Variants in MICU1 observed in about 807,000 individuals in gnomAD.
The protein encoded by MICU1 is mitochondrial calcium uptake 1, also known as calcium uptake protein 1, mitochondrial.
In MICU1, 45 loss-of-function variants were observed where a neutral mutation model predicts 56.8. The observed-to-expected ratio is 0.79, with a 90% CI of 0.62 to 1.02. The LOEUF (loss-of-function observed/expected upper bound fraction) is 1.02, where lower values mean the gene tolerates loss of function less well. Ranked by LOEUF, MICU1 falls within the 50% of genes least tolerant of loss-of-function variation. The pLI is 0.00. For missense variants in MICU1, 504 were observed against 587.1 expected (o/e 0.86, Z 1.46); for synonymous variants, 186 against 195.1 (o/e 0.95, Z 0.39).
At chr10:72,569,231 A>AC (rs1554890927) in intron 1 of MICU1, among the ~76,000 whole-genome samples, 3 of 39,540 alleles carry the variant, frequency 7.6e-5, no homozygotes, top group Non-Finnish European at 1.7e-4. Context: ...ATATATATAT[A>AC]TATATATTTT....
At chr10:72,577,223 T>C (rs1360609335) in intron 1 of MICU1, among the ~76,000 whole-genome samples, 1 of 151,900 alleles carries the variant, frequency 6.6e-6, no homozygotes, top group Non-Finnish European at 1.5e-5. Context: ...AGACTACATA[T>C]TGAAGCCTGG....
At chr10:72,542,838 T>C (rs761202182) in intron 4 of MICU1, among the ~76,000 whole-genome samples, 1 of 152,164 alleles carries the variant, frequency 6.6e-6, no homozygotes, top group Non-Finnish European at 1.5e-5. Flanking sequence ...AATTGAAAGA[T>C]GGTGAATGCA....
At chr10:72,602,393 G>A (rs979429297) in intron 1 of MICU1, among the ~76,000 whole-genome samples, 3 of 151,820 alleles carry the variant, frequency 2.0e-5, no homozygotes, top group Non-Finnish European at 2.9e-5. Context: ...GGAGGTTGCA[G>A]TGAGACAACA....
intron 3 of MICU1, among the ~76,000 whole-genome samples, chr10:72,554,499 C>T (rs959228353): frequency 2.6e-5 from 4 of 152,102 alleles, no homozygotes; most frequent in African/African-American, 4.8e-5. Flanking sequence ...AAAACCTAGG[C>T]TCTAGGAAAC....
At chr10:72,580,124 G>C (rs1840857773) in intron 1 of MICU1, among the ~76,000 whole-genome samples, 1 of 152,126 alleles carries the variant, frequency 6.6e-6, no homozygotes, top group African/African-American at 2.4e-5. Flanking sequence ...CTGTTGTTGT[G>C]AGAGCTACTG....
At chr10:72,400,696 A>G (rs962771412) in intron 10 of MICU1, among the ~76,000 whole-genome samples, 1 of 152,152 alleles carries the variant, frequency 6.6e-6, no homozygotes, top group Non-Finnish European at 1.5e-5. Context: ...CAGTGAGCCA[A>G]GATCATGCCA....
At chr10:72,604,141 T>C (rs1308155521) in intron 1 of MICU1, among the ~76,000 whole-genome samples, 1 of 152,182 alleles carries the variant, frequency 6.6e-6, no homozygotes, top group African/African-American at 2.4e-5. Context: ...TTTTTTAGCA[T>C]TCAAAGCAAC....
chr10:72,599,450 A>C (rs1303022412), intron 1 of MICU1, among the ~76,000 whole-genome samples: 2 of 152,198 alleles, frequency 1.3e-5, no homozygotes, highest in Non-Finnish European at 2.9e-5. Context: ...TCCCACCTGG[A>C]ACATGAATCA....
chr10:72,533,186 C>T lies in MICU1; in HGVS notation c.537+560G>A, dbSNP rs1007667265. The T allele has an allele frequency of 4.8e-6, 6 of 1,242,950 alleles. No individual in the cohort carries two copies. The Admixed American group carries it at 1.2e-4, about 24-fold the overall frequency. The allele number at this position is 1,242,950 out of a possible 1,614,324, so 77.0% of individuals were successfully genotyped here. A position where few individuals can be genotyped will look rare whatever the true frequency, so the allele number is the denominator to read the frequency against. ...GCCTGAAAGGAAAAAACATGTTTGACTGCTTTATGAGACAATAAAACTGAA... is the reference window on the plus strand; with the variant it reads ...GCCTGAAAGGAAAAAACATGTTTGATTGCTTTATGAGACAATAAAACTGAA... On this transcript the variant is annotated intron_variant, in intron 5 of 11. Transcript: ENST00000361114.
intron 1 of MICU1, among the ~76,000 whole-genome samples, chr10:72,578,165 A>C (rs12781837): frequency 0.63 from 95,702 of 151,964 alleles, 31,664 homozygotes; most frequent in African/African-American, 0.72. Context: ...CAACCACTAC[A>C]CCTGATTAGC....
intron 8 of MICU1, among the ~76,000 whole-genome samples, chr10:72,469,499 A>G (rs558444563): frequency 2.6e-5 from 4 of 152,378 alleles, no homozygotes; most frequent in African/African-American, 9.6e-5. Context: ...AAGTGAAATT[A>G]AAAGTGTTTC....
intron 6 of MICU1, among the ~76,000 whole-genome samples, chr10:72,496,060 G>T (rs969997340): frequency 9.9e-5 from 15 of 151,658 alleles, no homozygotes; most frequent in African/African-American, 3.6e-4. Context: ...TCTGTCTCCT[G>T]GTCTCAAGCG....
intron 10 of MICU1, among the ~76,000 whole-genome samples, chr10:72,383,637 A>G (rs1862792977): frequency 1.3e-5 from 2 of 152,202 alleles, no homozygotes; most frequent in South Asian, 4.1e-4. Flanking sequence ...CTTGAGAAGA[A>G]GGTACCTTTT....
intron 10 of MICU1, among the ~76,000 whole-genome samples, chr10:72,383,998 A>AT (rs201758578): frequency 3.9e-4 from 54 of 139,758 alleles, no homozygotes; most frequent in Non-Finnish European, 6.1e-4. Context: ...TTAAAAAAAA[A>AT]TTTTTTTTTA....
rs190296943 is a variant in MICU1 at position 72,505,369 on chromosome 10, T to G, written c.652+2786A>C. 5.9e-4 allele frequency among the ~76,000 whole-genome samples: 90 copies of G among 152,312 alleles called. 1 individual carries two copies. The highest frequency in any genetic ancestry group is 1.2e-3 in the Non-Finnish European group (81 of 68,020). On this transcript the variant is annotated intron_variant, in intron 6 of 11. Transcript: ENST00000361114. ...TCCTCATACACTGTTGGTGGGAATG[T>G]AAATCACTTCAGCCACTGTGGAAAC...
chr10:72,398,094 T>C (rs1863328729), intron 10 of MICU1, among the ~76,000 whole-genome samples: 2 of 151,914 alleles, frequency 1.3e-5, no homozygotes, highest in South Asian at 2.1e-4. Context: ...TCTCATTTGA[T>C]TGACCACAGT....
intron 10 of MICU1, among the ~76,000 whole-genome samples, chr10:72,403,930 C>T (rs967142671): frequency 1.3e-5 from 2 of 151,686 alleles, no homozygotes; most frequent in Non-Finnish European, 2.9e-5. Context: ...GCTGGGATTA[C>T]AGGCGTGAGC....
chr10:72,566,651 G>A lies in MICU1; in HGVS notation c.143C>T (p.Thr48Ile), dbSNP rs1313480563. The change falls in exon 2 of 12, where the codon ACT becomes ATT. Residue 48 changes from threonine (T) to isoleucine (I), a missense_variant. Coordinates refer to ENST00000361114, the MANE Select transcript of MICU1 (RefSeq NM_001195518.2). ...FLGASAVTAS[T>I]GLLWKRAHAE... ...CACTCACCTCTTCCACAAAAGACCA[G>A]TACTTGCAGTTACTGCAGATGCTCC... 3.1e-6 allele frequency: 5 copies of A among 1,612,840 alleles called. No homozygotes were observed. The highest frequency in any genetic ancestry group is 4.2e-6 in the Non-Finnish European group (5 of 1,179,390).
intron 6 of MICU1, among the ~76,000 whole-genome samples, chr10:72,503,951 G>A (rs764788684): frequency 2.6e-5 from 4 of 151,474 alleles, no homozygotes; most frequent in Non-Finnish European, 4.4e-5. Context: ...TCTACAAGGA[G>A]AACCACAAAA....
Sources: gnomAD v4.1 joint callset for allele counts (sites outside exome capture counted in the v4.1 genomes callset) on GRCh38, gnomAD v4.1.1 for gene constraint, MANE v1.5 for transcripts, NCBI Gene and HGNC (gene_info 2026-07-23, HGNC 2026-07-21) for gene names.